Variants in ACACA observed in about 807,000 individuals in gnomAD.
The protein encoded by ACACA is acetyl-CoA carboxylase 1.
ACACA carries 103 observed loss-of-function variants against 296.1 expected under a neutral mutation model. The observed-to-expected ratio is 0.35, with a 90% CI of 0.30 to 0.41. The LOEUF (loss-of-function observed/expected upper bound fraction) is 0.41, where lower values mean the gene tolerates loss of function less well. ACACA is among the 10% of genes least tolerant of loss of function. The pLI, the probability that ACACA is intolerant of heterozygous loss-of-function variation, is 1.00. For missense variants in ACACA, 1,554 were observed against 2,989.7 expected, an observed-to-expected ratio of 0.52 and a Z score of 11.20; for synonymous variants, 953 against 1,038.6, an observed-to-expected ratio of 0.92 and a Z score of 1.58.
rs1368586900 is a variant in ACACA at position 37,257,715 on chromosome 17, T to C, written c.1814A>G (p.Glu605Gly). ...CTATTATACTCACGAAATTGCCTCTTCTCTGTTTTCTCCCCAAGAAAAGCA... is the reference window on the plus strand; with the variant it reads ...CTATTATACTCACGAAATTGCCTCTCCTCTGTTTTCTCCCCAAGAAAAGCA... ...GHCFSWGENR[E>G]EAISNMVVAL... The change falls in exon 14 of 56, where the codon GAA (glutamate) becomes GGA (glycine). Residue 605 changes from glutamate to glycine, a missense_variant. Coordinates refer to ENST00000616317, the MANE Select transcript of ACACA (RefSeq NM_198834.3). 6.2e-7 allele frequency: 1 copy of C among 1,614,104 alleles called. No homozygotes were observed. The highest frequency in any genetic ancestry group is 1.3e-5 in the African/African-American group (1 of 75,056).
At chr17:37,385,473 A>C (rs1032798239) in intron 1 of ACACA, among the ~76,000 whole-genome samples, 1 of 144,884 alleles carries the variant, frequency 6.9e-6, no homozygotes, top group Non-Finnish European at 1.5e-5. Flanking sequence ...ACCCTGTCTT[A>C]AAAAAAAAAA....
chr17:37,243,669 C>G (rs2080533798), intron 21 of ACACA, 110 bp from the exon 22 acceptor site: 1 of 1,140,478 alleles, frequency 8.8e-7, no homozygotes, highest in African/African-American at 1.5e-5. Flanking sequence ...AGAACCACCA[C>G]TCATATATGA....
At chr17:37,324,595 G>A (rs142291760) in intron 3 of ACACA, among the ~76,000 whole-genome samples, 1,993 of 150,948 alleles carry the variant, frequency 0.013, 31 homozygotes, top group African/African-American at 0.044. Flanking sequence ...ACTTGAACCC[G>A]GGAGGCAGAG....
chr17:37,128,525 T>C (rs1211586556), intron 47 of ACACA, among the ~76,000 whole-genome samples: 1 of 152,130 alleles, frequency 6.6e-6, no homozygotes, highest in Non-Finnish European at 1.5e-5. Context: ...GCAATAAATA[T>C]GCAAAAAAGA....
At chr17:37,334,817 G>A (rs566608356) in intron 2 of ACACA, among the ~76,000 whole-genome samples, 20 of 152,076 alleles carry the variant, frequency 1.3e-4, no homozygotes, top group Non-Finnish European at 2.1e-4. Flanking sequence ...GCAGCGTCCC[G>A]GAAATATTGA....
In ACACA at chr17:37,125,757, A is replaced by G. The variant is rs2074751011; in HGVS notation, c.5982T>C (p.Tyr1994=). The change falls in exon 48 of 56, where the codon TAT becomes TAC. Residue 1994 remains tyrosine, a synonymous_variant. Transcript: ENST00000616317. ...KGQWLSGFFD[Y]GSFSEIMQPW... Reference sequence around the variant, plus strand: ...GCTGCATAATCTCTGAGAAAGATCCATAGTCAAAAAAGCCACTCAACCACT... The same window carrying G: ...GCTGCATAATCTCTGAGAAAGATCCGTAGTCAAAAAAGCCACTCAACCACT... 1.2e-6 allele frequency: 2 copies of G among 1,614,006 alleles called. No homozygotes were observed. The highest frequency in any genetic ancestry group is 1.7e-6 in the Non-Finnish European group (2 of 1,180,004).
intron 1 of ACACA, among the ~76,000 whole-genome samples, chr17:37,370,926 G>C (rs2049780907): frequency 6.6e-6 from 1 of 150,948 alleles, no homozygotes; most frequent in Admixed American, 6.6e-5. Context: ...AGAGGTTGTA[G>C]TGAACTGAGA....
chr17:37,366,904 A>C (rs2049625961), intron 1 of ACACA: 1 of 152,140 alleles, frequency 6.6e-6, no homozygotes, highest in Non-Finnish European at 1.5e-5. Context: ...CATGACCAAC[A>C]TAGAGAAACC....
intron 11 of ACACA, among the ~76,000 whole-genome samples, chr17:37,261,185 G>A (rs1356593841): frequency 6.6e-6 from 1 of 152,036 alleles, no homozygotes; most frequent in Admixed American, 6.6e-5. Flanking sequence ...TGTCGAAAAA[G>A]CCAACTTCTT....
rs192611054 is a variant in ACACA, at chr17:37,117,482, C to A, written c.6274+3873G>T. Among the ~76,000 whole-genome samples, 3 of 152,326 alleles carry A rather than the reference C, an allele frequency of 2.0e-5. No individual in the cohort carries two copies. The East Asian group carries it at 5.8e-4, about 29-fold the overall frequency. On this transcript the variant is annotated intron_variant, in intron 50 of 55. Transcript: ENST00000616317. The stretch of plus-strand genomic sequence containing the variant: ...CCAGCAGTGAGGCAGCTTAATATCA[C>A]TGGGATTTGCATCCTATCAAGCTAT...
rs35895326 is a variant in ACACA, at chr17:37,125,221, C to CT, written c.6041+476dup. 2.9e-3 allele frequency among the ~76,000 whole-genome samples: 430 copies of CT among 147,716 alleles called. 3 individuals carry two copies. Among genetic ancestry groups the CT allele is most frequent in the African/African-American group, 8.9e-3 (358 of 40,130 alleles). On this transcript the variant is annotated intron_variant, in intron 48 of 55. Transcript: ENST00000616317. ...TTATTTTACTCCTGTTTCAGGTAAACTTTTTTTTTTTGGCAATTCACATCT... is the reference window on the plus strand; with the variant it reads ...TTATTTTACTCCTGTTTCAGGTAAACTTTTTTTTTTTTGGCAATTCACATCT...
At chr17:37,372,820 T>C (rs1490141012) in intron 1 of ACACA, among the ~76,000 whole-genome samples, 1 of 151,764 alleles carries the variant, frequency 6.6e-6, no homozygotes, top group East Asian at 1.9e-4. Flanking sequence ...TATCTAGGAG[T>C]AGAGAAATAG....
intron 14 of ACACA, among the ~76,000 whole-genome samples, chr17:37,253,511 T>C (rs542494889): frequency 6.6e-6 from 1 of 152,302 alleles, no homozygotes; most frequent in South Asian, 2.1e-4. Flanking sequence ...AGTGTGCTCA[T>C]TCATGTGCAT....
At chr17:37,304,546 G>C (rs1010630666) in intron 3 of ACACA, among the ~76,000 whole-genome samples, 2 of 152,134 alleles carry the variant, frequency 1.3e-5, no homozygotes, top group Non-Finnish European at 2.9e-5. Flanking sequence ...TATAATCCCA[G>C]CACTTTGGAA....
At chr17:37,178,696 G>A (rs2077208680) in intron 41 of ACACA, among the ~76,000 whole-genome samples, 1 of 152,134 alleles carries the variant, frequency 6.6e-6, no homozygotes, top group African/African-American at 2.4e-5. Context: ...AGCTACTCAG[G>A]AGGCTGAGGT....
chr17:37,131,850 G>A (rs1749114381), intron 45 of ACACA, among the ~76,000 whole-genome samples: 1 of 152,262 alleles, frequency 6.6e-6, no homozygotes, highest in South Asian at 2.1e-4. Context: ...AGGAAGCGCA[G>A]AGAACAAGCC....
At chr17:37,207,908 G>T in intron 30 of ACACA, 108 bp from the exon 31 acceptor site, 2 of 1,359,454 alleles carry the variant, frequency 1.5e-6, no homozygotes, top group Non-Finnish European at 2.1e-6. Flanking sequence ...GTAGGGTCAG[G>T]TTGCAGAGCA....
chr17:37,220,289 T>A (rs1343976285), intron 29 of ACACA, among the ~76,000 whole-genome samples: 2 of 151,968 alleles, frequency 1.3e-5, no homozygotes, highest in African/African-American at 4.8e-5. Context: ...GGGAGAACAA[T>A]TAAGAGAGAC....
At chr17:37,253,284 C>T (rs1018169726) in intron 14 of ACACA, among the ~76,000 whole-genome samples, 1 of 151,854 alleles carries the variant, frequency 6.6e-6, no homozygotes, top group African/African-American at 2.4e-5. Context: ...CCCAGCTACT[C>T]GGGAGGCTGA....
Sources: gnomAD v4.1 joint callset for allele counts (sites outside exome capture counted in the v4.1 genomes callset) on GRCh38, gnomAD v4.1.1 for gene constraint, MANE v1.5 for transcripts, NCBI Gene and HGNC (gene_info 2026-07-23, HGNC 2026-07-21) for gene names.